SCAMP2: variants seen among roughly 807,000 people sequenced by gnomAD.
The protein encoded by SCAMP2 is secretory carrier-associated membrane protein 2.
SCAMP2 carries 25 observed loss-of-function variants against 44.1 expected under a neutral mutation model. That is an observed-to-expected ratio of 0.57 (90% confidence interval 0.41 to 0.79). SCAMP2 has a LOEUF of 0.79. Among genes scored for constraint, SCAMP2 ranks in the 30% least tolerant of loss-of-function variants. SCAMP2 has a pLI of 0.00. For missense variants in SCAMP2, 355 were observed against 411.0 expected (o/e 0.86, Z 1.18); for synonymous variants, 156 against 166.0 (o/e 0.94, Z 0.46).
chr15:74,863,958 T>C (rs2064525644), intron 1 of SCAMP2, among the ~76,000 whole-genome samples: 1 of 152,154 alleles, frequency 6.6e-6, no homozygotes, highest in Non-Finnish European at 1.5e-5. Flanking sequence ...TGAGCTGGAA[T>C]CTGAGTTGGA....
chr15:74,872,933 T>C, intron 1 of SCAMP2: 2 of 433,282 alleles, frequency 4.6e-6, no homozygotes, highest in Non-Finnish European at 8.2e-6. Context: ...CCTGCTCCAG[T>C]CCCCTTCCCT....
intron 1 of SCAMP2, among the ~76,000 whole-genome samples, chr15:74,861,784 C>T (rs2064505184): frequency 6.6e-6 from 1 of 151,262 alleles, no homozygotes; most frequent in African/African-American, 2.4e-5. Context: ...GCCTGTAGTC[C>T]CAGCTACTCT....
intron 1 of SCAMP2, among the ~76,000 whole-genome samples, chr15:74,858,736 A>G (rs958911784): frequency 7.6e-5 from 11 of 145,668 alleles, no homozygotes; most frequent in African/African-American, 2.8e-4. Flanking sequence ...AATGAGCCCC[A>G]CTCCAGGAGG....
At chr15:74,861,653 C>A (rs550364368) in intron 1 of SCAMP2, among the ~76,000 whole-genome samples, 4 of 152,250 alleles carry the variant, frequency 2.6e-5, no homozygotes, top group African/African-American at 9.6e-5. Flanking sequence ...AATCGCAGCA[C>A]TTTGGGAGGC....
intron 7 of SCAMP2, among the ~76,000 whole-genome samples, chr15:74,847,113 AT>A (rs2064404902): frequency 2.1e-5 from 2 of 93,814 alleles, no homozygotes; most frequent in Admixed American, 1.5e-4. Context: ...TTTTTTTGAG[AT>A]TGAGTCTTGC....
intron 1 of SCAMP2, among the ~76,000 whole-genome samples, chr15:74,861,609 G>A (rs1044808438): frequency 3.9e-5 from 6 of 152,060 alleles, no homozygotes; most frequent in African/African-American, 1.4e-4. Context: ...ATACAGAACA[G>A]GCTTTCTGGT....
chr15:74,854,477 C>A lies in SCAMP2; in HGVS notation c.126+104G>T. ...TTAGGACTGTCCCTTTGAGGACTGC[C>A]GCTTCTCAGAGCTGCTTCTGTCCTT... On this transcript the variant is annotated intron_variant, in intron 2 of 8. Coordinates refer to ENST00000268099, the MANE Select transcript of SCAMP2 (RefSeq NM_005697.5). 3 of 970,780 alleles carry A rather than the reference C, an allele frequency of 3.1e-6. No individual in the cohort carries two copies. In the South Asian group the frequency reaches 4.1e-5, roughly 13 times the overall value. 60.1% of individuals were successfully genotyped at this position (970,780 alleles called of 1,614,324 possible).
chr15:74,857,739 C>T (rs1479621148), intron 1 of SCAMP2, among the ~76,000 whole-genome samples: 2 of 152,220 alleles, frequency 1.3e-5, no homozygotes, highest in African/African-American at 4.8e-5. Flanking sequence ...ATCTTAAAGA[C>T]ATGGCCTTGG....
At position 74,851,386 on chromosome 15, in the gene SCAMP2, G is replaced by T. The variant is rs770475045; in HGVS notation, c.439C>A (p.Arg147=). The change falls in exon 5 of 9, where the codon CGG becomes AGG. Residue 147 remains arginine (R), a synonymous_variant. Transcript: ENST00000268099. ...FSTEIPADYQ[R]ICKMLYYLWM... is the part of the protein sequence containing the mutation. ...AGATAGTAGAGCATCTTGCATATCCGCTGGTAGTCGGCAGGGATCTCTGTG... is the reference window on the plus strand; with the variant it reads ...AGATAGTAGAGCATCTTGCATATCCTCTGGTAGTCGGCAGGGATCTCTGTG... 2.5e-6 allele frequency: 4 copies of T among 1,613,944 alleles called. No homozygotes were observed. Among genetic ancestry groups the T allele is most frequent in the Non-Finnish European group, 3.4e-6 (4 of 1,179,964 alleles).
In SCAMP2 at chr15:74,845,723, C is replaced by G. The variant is rs184696427; in HGVS notation, c.735-130G>C. 8.7e-6 allele frequency: 10 copies of G among 1,149,750 alleles called. No individual in the cohort carries two copies. The African/African-American group carries it at 1.4e-4, about 16-fold the overall frequency. The allele number at this position is 1,149,750 out of a possible 1,614,324, so 71.2% of individuals were successfully genotyped here. ...TGGCATCTCCCCACAGCACAGGGAG[C>G]CCTGTGAGCCAGAAGCCCTTGGCCT... On this transcript the variant is annotated intron_variant, in intron 7 of 8. Coordinates refer to ENST00000268099, the MANE Select transcript of SCAMP2 (RefSeq NM_005697.5).
chr15:74,865,055 C>T (rs559570651), intron 1 of SCAMP2, among the ~76,000 whole-genome samples: 201 of 127,970 alleles, frequency 1.6e-3, no homozygotes, highest in African/African-American at 5.8e-3. Context: ...CACCACTGCA[C>T]TCCACCCTGA....
Position 74,844,788 on chromosome 15 carries a change from G to A in SCAMP2, c.*295C>T, listed in dbSNP as rs1005064946. The A allele has an allele frequency of 6.2e-6, 2 of 322,458 alleles. No individual in the cohort carries two copies. The highest frequency in any genetic ancestry group is 2.1e-5 in the African/African-American group (1 of 47,412). 20.0% of individuals were successfully genotyped at this position (322,458 alleles called of 1,614,324 possible). A position where few individuals can be genotyped will look rare whatever the true frequency, so the allele number is the denominator to read the frequency against. On this transcript the variant is annotated 3_prime_UTR_variant, in exon 9 of 9. Transcript: ENST00000268099. The stretch of plus-strand genomic sequence containing the variant: ...ATCCCAACTGTGTGGGGGTGTCTGT[G>A]TGTGCACAGGACGAAGAGAACTTCA...
chr15:74,861,419 TATCAC>T (rs2064502181), intron 1 of SCAMP2, among the ~76,000 whole-genome samples: 2 of 151,866 alleles, frequency 1.3e-5, no homozygotes, highest in African/African-American at 4.8e-5. Flanking sequence ...CCTAAGAAAA[TATCAC>T]AAAAACATGT....
At chr15:74,854,473 C>A in intron 2 of SCAMP2, 108 bp downstream of exon 2, 1 of 932,792 alleles carries the variant, frequency 1.1e-6, no homozygotes, top group South Asian at 1.4e-5. Context: ...CCTTTGAGGA[C>A]TGCCGCTTCT....
chr15:74,863,228 C>G (rs941941986), intron 1 of SCAMP2, among the ~76,000 whole-genome samples: 4 of 151,860 alleles, frequency 2.6e-5, no homozygotes, highest in Non-Finnish European at 5.9e-5. Context: ...GCCTGTAACC[C>G]CAGCTACTTG....
chr15:74,857,406 G>A (rs187304385), intron 1 of SCAMP2, among the ~76,000 whole-genome samples: 8 of 152,346 alleles, frequency 5.3e-5, no homozygotes, highest in Admixed American at 2.0e-4. Context: ...CTTCCTGCAA[G>A]GAAGATTTGG....
Position 74,848,603 on chromosome 15 carries a change from TC to T in SCAMP2, c.730del (p.Asp244ThrfsTer22), listed in dbSNP as rs1567248944. On this transcript the variant is annotated frameshift_variant, in exon 7 of 9. Coordinates refer to ENST00000268099, the MANE Select transcript of SCAMP2 (RefSeq NM_005697.5). LOFTEE classifies it high-confidence loss of function. ...IQLVGIPGLG[D>X]SGWIAALSTL... Reference sequence around the variant, plus strand: ...CTCTGTGATGCCCAGGTCTCACCTGTCCCCCAGGCCAGGGATGCCAACCAAC... The same window carrying T: ...CTCTGTGATGCCCAGGTCTCACCTGTCCCCAGGCCAGGGATGCCAACCAAC... 1 of 1,590,462 alleles carries T rather than the reference TC, an allele frequency of 6.3e-7. No individual in the cohort carries two copies. The highest frequency in any genetic ancestry group is 1.3e-5 in the African/African-American group (1 of 74,450).
chr15:74,843,803 G>GA lies in SCAMP2; in HGVS notation c.*1279dup, dbSNP rs1567245235. On this transcript the variant is annotated 3_prime_UTR_variant, in exon 9 of 9. Coordinates refer to ENST00000268099, the MANE Select transcript of SCAMP2 (RefSeq NM_005697.5). ...AACATATACATTTGTACATAGAGGG[G>GA]AAAAAATACCAGAAAGGAGTTCATA... is the stretch of plus-strand genomic sequence containing the variant. 8 of 152,074 alleles carry GA rather than the reference G, an allele frequency of 5.3e-5. No homozygotes were observed. Among genetic ancestry groups the GA allele is most frequent in the Admixed American group, 3.9e-4 (6 of 15,270 alleles). 9.4% of individuals were successfully genotyped at this position (152,074 alleles called of 1,614,324 possible).
intron 7 of SCAMP2, among the ~76,000 whole-genome samples, chr15:74,847,901 C>A (rs975079311): frequency 6.6e-6 from 1 of 152,126 alleles, no homozygotes; most frequent in African/African-American, 2.4e-5. Flanking sequence ...GAAAAAGTTG[C>A]AGCTCAGAGT....
Sources: allele counts gnomAD v4.1 joint callset (sites outside exome capture counted in the v4.1 genomes callset), GRCh38; gene constraint gnomAD v4.1.1; transcripts MANE v1.5; gene names NCBI Gene and HGNC (gene_info 2026-07-23, HGNC 2026-07-21).